MPPED2: variants seen among roughly 807,000 people sequenced by gnomAD.
The protein encoded by MPPED2 is metallophosphoesterase MPPED2.
In MPPED2, 5 loss-of-function variants were observed where a neutral mutation model predicts 33.0. That is an observed-to-expected ratio of 0.15 (90% CI 0.08 to 0.32). The LOEUF (loss-of-function observed/expected upper bound fraction) is 0.32, where lower values mean the gene tolerates loss of function less well. Ranked by LOEUF, MPPED2 falls within the 10% of genes least tolerant of loss-of-function variation. MPPED2 has a pLI of 1.00. For synonymous variants in MPPED2, 136 were observed against 141.9 expected, an observed-to-expected ratio of 0.96 and a Z score of 0.29; for missense variants, 275 against 372.1, an observed-to-expected ratio of 0.74 and a Z score of 2.15.
chr11:30,521,282 C>G (rs1240874598), intron 3 of MPPED2, among the ~76,000 whole-genome samples: 1 of 152,048 alleles, frequency 6.6e-6, no homozygotes, highest in East Asian at 1.9e-4. Flanking sequence ...AAAACCAAAA[C>G]CAAATATAGG....
intron 4 of MPPED2, among the ~76,000 whole-genome samples, chr11:30,486,454 T>C (rs1044867694): frequency 1.3e-5 from 2 of 152,204 alleles, no homozygotes; most frequent in African/African-American, 2.4e-5. Context: ...TTAATGTCCA[T>C]AGGACGTTCT....
At chr11:30,485,759 T>C (rs561455654) in intron 4 of MPPED2, among the ~76,000 whole-genome samples, 1 of 152,288 alleles carries the variant, frequency 6.6e-6, no homozygotes, top group Admixed American at 6.5e-5. Flanking sequence ...TCAGAGGGGA[T>C]GTCCCTAGGC....
At chr11:30,546,141 A>C (rs1955414619) in intron 2 of MPPED2, among the ~76,000 whole-genome samples, 2 of 152,208 alleles carry the variant, frequency 1.3e-5, no homozygotes, top group African/African-American at 4.8e-5. Context: ...TTAAAAAGTA[A>C]GTTTATCAAT....
intron 1 of MPPED2, among the ~76,000 whole-genome samples, chr11:30,584,390 C>T (rs2134967331): frequency 6.7e-6 from 1 of 150,156 alleles, no homozygotes; most frequent in South Asian, 2.1e-4. Flanking sequence ...CATACACTCG[C>T]CCTGCCCTTC....
intron 2 of MPPED2, among the ~76,000 whole-genome samples, chr11:30,540,628 T>TC (rs1565166712): frequency 6.6e-6 from 1 of 152,074 alleles, no homozygotes; most frequent in Non-Finnish European, 1.5e-5. Context: ...GATAATAACA[T>TC]CTACCACTCA....
chr11:30,432,270 T>C (rs568856488), intron 4 of MPPED2, among the ~76,000 whole-genome samples: 17 of 152,308 alleles, frequency 1.1e-4, no homozygotes, highest in Non-Finnish European at 2.2e-4. Context: ...GAGATGCTGA[T>C]GAATTCAAGG....
chr11:30,501,472 C>G (rs1372126987), intron 3 of MPPED2: 1 of 194,072 alleles, frequency 5.2e-6, no homozygotes, highest in African/African-American at 2.4e-5. Context: ...TTGAGATAAT[C>G]CTAACCTCGC....
chr11:30,540,977 T>C (rs1019771158), intron 2 of MPPED2, among the ~76,000 whole-genome samples: 2 of 152,168 alleles, frequency 1.3e-5, no homozygotes, highest in African/African-American at 4.8e-5. Context: ...AATCCCTCCC[T>C]TTGTAGTGTC....
At chr11:30,562,442 C>T (rs1356413855) in intron 2 of MPPED2, among the ~76,000 whole-genome samples, 5 of 152,166 alleles carry the variant, frequency 3.3e-5, no homozygotes, top group Non-Finnish European at 5.9e-5. Flanking sequence ...CTGCCTCCTA[C>T]GGGAAGCCTA....
intron 4 of MPPED2, among the ~76,000 whole-genome samples, chr11:30,485,134 A>G (rs1951662079): frequency 6.6e-6 from 1 of 152,222 alleles, no homozygotes; most frequent in Non-Finnish European, 1.5e-5. Flanking sequence ...GAAGTAGTGA[A>G]GAACATAAAG....
intron 4 of MPPED2, among the ~76,000 whole-genome samples, chr11:30,469,825 T>G (rs1271762874): frequency 6.6e-6 from 1 of 152,182 alleles, no homozygotes; most frequent in East Asian, 1.9e-4. Flanking sequence ...CTTATTAATC[T>G]GATAATATAA....
intron 4 of MPPED2, among the ~76,000 whole-genome samples, chr11:30,461,631 C>T (rs886898273): frequency 1.3e-5 from 2 of 152,060 alleles, no homozygotes; most frequent in African/African-American, 2.4e-5. Flanking sequence ...GGAGACTTGC[C>T]TGACCTTACA....
chr11:30,541,087 CA>C (rs1347667510), intron 2 of MPPED2, among the ~76,000 whole-genome samples: 9 of 152,154 alleles, frequency 5.9e-5, no homozygotes, highest in African/African-American at 1.7e-4. Context: ...AACAAATTGG[CA>C]GATTTTTCTA....
chr11:30,530,540 A>G (rs901915348), intron 3 of MPPED2, among the ~76,000 whole-genome samples: 2 of 152,256 alleles, frequency 1.3e-5, no homozygotes, highest in Admixed American at 1.3e-4. Context: ...AGAATCTGTC[A>G]TAAAGGATGA....
chr11:30,526,703 C>CAAA (rs11339582), intron 3 of MPPED2, among the ~76,000 whole-genome samples: 2 of 126,790 alleles, frequency 1.6e-5, no homozygotes, highest in African/African-American at 3.0e-5. Context: ...GAATAAATCT[C>CAAA]AAAAAAAAAA....
Sources: gnomAD v4.1 joint callset for allele counts (sites outside exome capture counted in the v4.1 genomes callset) on GRCh38, gnomAD v4.1.1 for gene constraint, MANE v1.5 for transcripts, NCBI Gene and HGNC (gene_info 2026-07-23, HGNC 2026-07-21) for gene names.